Variants in LYRM4 observed in about 807,000 individuals in gnomAD.
The protein encoded by LYRM4 is LYR motif containing 4, also known as LYR motif-containing protein 4.
Under a neutral mutation model 11.7 loss-of-function variants are expected in LYRM4, and 9 were observed. That is an observed-to-expected ratio of 0.77 (90% CI 0.46 to 1.34). The LOEUF (loss-of-function observed/expected upper bound fraction) is 1.34, where lower values mean the gene tolerates loss of function less well. Ranked by LOEUF, LYRM4 falls within the 40% of genes most tolerant of loss-of-function variation. The pLI is 0.00. For missense variants in LYRM4, 133 were observed against 112.5 expected (o/e 1.18, Z -0.82); for synonymous variants, 42 against 40.4 (o/e 1.04, Z -0.15).
intron 2 of LYRM4, among the ~76,000 whole-genome samples, chr6:5,196,050 G>A (rs1053078806): frequency 7.2e-5 from 11 of 152,126 alleles, no homozygotes; most frequent in African/African-American, 1.2e-4. Context: ...TAATGACCCC[G>A]TGAGTGAGGT....
At chr6:5,035,458 G>A in the LYRM4 span, among the ~76,000 whole-genome samples, 8 of 150,528 alleles carry the variant, frequency 5.3e-5, no homozygotes, top group African/African-American at 1.5e-4. Context: ...GGCTCAGCGT[G>A]CATCGCAGCA....
chr6:5,198,064 G>A (rs938750921), intron 2 of LYRM4, among the ~76,000 whole-genome samples: 9 of 152,126 alleles, frequency 5.9e-5, no homozygotes, highest in African/African-American at 9.7e-5. Context: ...TGGGTGTAGT[G>A]GCAGGTGCCT....
chr6:5,134,902 T>C (rs1351009079), intron 2 of LYRM4, among the ~76,000 whole-genome samples: 2 of 149,764 alleles, frequency 1.3e-5, no homozygotes, highest in Admixed American at 6.6e-5. Context: ...CCTAGGGCTG[T>C]GGAGGGTGCG....
At chr6:5,088,453 G>A in the LYRM4 span, 7 of 152,196 alleles carry the variant, frequency 4.6e-5, no homozygotes, top group African/African-American at 1.4e-4. Flanking sequence ...TGGCACGTGA[G>A]AATTATATAA....
intron 1 of LYRM4, among the ~76,000 whole-genome samples, chr6:5,222,901 T>G (rs940965327): frequency 1.3e-5 from 2 of 151,798 alleles, no homozygotes; most frequent in African/African-American, 2.4e-5. Context: ...GTGAGAAATA[T>G]GTAAGAAAAA....
chr6:5,185,359 C>T (rs904823645), intron 2 of LYRM4, among the ~76,000 whole-genome samples: 1 of 152,202 alleles, frequency 6.6e-6, no homozygotes, highest in Non-Finnish European at 1.5e-5. Context: ...GAAAGGACAT[C>T]TTCCCAGGAG....
At chr6:5,254,506 A>C (rs1764581050) in intron 1 of LYRM4, among the ~76,000 whole-genome samples, 1 of 152,228 alleles carries the variant, frequency 6.6e-6, no homozygotes, top group African/African-American at 2.4e-5. Flanking sequence ...TTCATGGCCC[A>C]AAACCGCAAT....
chr6:5,126,391 T>C (rs1435471298), intron 2 of LYRM4, among the ~76,000 whole-genome samples: 1 of 152,142 alleles, frequency 6.6e-6, no homozygotes, highest in Non-Finnish European at 1.5e-5. Context: ...AATGCTCAGG[T>C]ATTTGAAGAA....
In LYRM4 at chr6:5,156,380, C is replaced by T. The variant is rs540664709; in HGVS notation, c.208-46889G>A. ...GTCTTTGGAGTGGCTGGGGCAGGAACCCATGGTATGTATGTGTGCAAGAGT... is the reference window on the plus strand; with the variant it reads ...GTCTTTGGAGTGGCTGGGGCAGGAATCCATGGTATGTATGTGTGCAAGAGT... On this transcript the variant is annotated intron_variant, in intron 2 of 2. Coordinates refer to ENST00000330636, the MANE Select transcript of LYRM4 (RefSeq NM_020408.6). Among the ~76,000 whole-genome samples, 9 of 152,292 alleles carry T rather than the reference C, an allele frequency of 5.9e-5. No homozygotes were observed. In the South Asian group the frequency reaches 1.9e-3, roughly 32 times the overall value.
the LYRM4 span, among the ~76,000 whole-genome samples, chr6:5,057,312 C>T: frequency 6.6e-6 from 1 of 152,150 alleles, no homozygotes; most frequent in Non-Finnish European, 1.5e-5. Flanking sequence ...AGCTCAAGGC[C>T]TTCCCAATCT....
chr6:5,255,176 G>C (rs1277531319), intron 1 of LYRM4, among the ~76,000 whole-genome samples: 2 of 152,164 alleles, frequency 1.3e-5, no homozygotes, highest in African/African-American at 4.8e-5. Flanking sequence ...AGTTAGCCAA[G>C]GGACCATGGC....
At chr6:5,140,441 A>C (rs533052221) in intron 2 of LYRM4, among the ~76,000 whole-genome samples, 2 of 152,246 alleles carry the variant, frequency 1.3e-5, no homozygotes, top group Non-Finnish European at 2.9e-5. Flanking sequence ...AGGAAGGAAC[A>C]TTTAAACCTG....
intron 2 of LYRM4, among the ~76,000 whole-genome samples, chr6:5,167,249 G>T (rs1354375376): frequency 1.3e-5 from 2 of 152,108 alleles, no homozygotes; most frequent in Admixed American, 6.5e-5. Context: ...GCACAGAAGG[G>T]CATAAAGTTA....
At chr6:5,134,761 C>T (rs922490465) in intron 2 of LYRM4, among the ~76,000 whole-genome samples, 5 of 152,170 alleles carry the variant, frequency 3.3e-5, no homozygotes, top group Non-Finnish European at 4.4e-5. Flanking sequence ...TCACATTTTT[C>T]CATAATAACA....
In LYRM4 at chr6:5,223,301, C is replaced by T. The variant is rs34148454; in HGVS notation, c.87-6563G>A. Among the ~76,000 whole-genome samples, 1,367 of 152,304 alleles carry T rather than the reference C, an allele frequency of 9.0e-3. 23 individuals are homozygous for T. Among genetic ancestry groups the T allele is most frequent in the African/African-American group, 0.03 (1,237 of 41,554 alleles). On this transcript the variant is annotated intron_variant, in intron 1 of 2. Transcript: ENST00000330636. ...AAAAGAATATCATCAATTTCTGATA[C>T]ACATGCCAAGCACAGAGTAGTGTGC...
chr6:5,070,592 C>G, the LYRM4 span, among the ~76,000 whole-genome samples: 9 of 151,940 alleles, frequency 5.9e-5, no homozygotes, highest in Admixed American at 5.2e-4. Flanking sequence ...AATTTAAAAA[C>G]AGGCTGGGTG....
intron 2 of LYRM4, among the ~76,000 whole-genome samples, chr6:5,175,018 C>T (rs771810439): frequency 1.1e-4 from 17 of 152,170 alleles, no homozygotes; most frequent in Admixed American, 3.3e-4. Flanking sequence ...ATTTATTGAG[C>T]GCCTAGATTC....
intron 2 of LYRM4, among the ~76,000 whole-genome samples, chr6:5,189,587 C>A (rs1193124889): frequency 6.6e-6 from 1 of 152,190 alleles, no homozygotes; most frequent in Non-Finnish European, 1.5e-5. Context: ...CCGCAAGGCA[C>A]CATGAAGCTC....
At chr6:5,118,094 A>ATATATAT in intron 2 of LYRM4, among the ~76,000 whole-genome samples, 2 of 86,114 alleles carry the variant, frequency 2.3e-5, no homozygotes, top group African/African-American at 3.9e-5. Context: ...ATATATATAT[A>ATATATAT]TTTTTGTTTT....
Sources: gnomAD v4.1 joint callset for allele counts (sites outside exome capture counted in the v4.1 genomes callset) on GRCh38, gnomAD v4.1.1 for gene constraint, MANE v1.5 for transcripts, NCBI Gene and HGNC (gene_info 2026-07-23, HGNC 2026-07-21) for gene names.